ROS1: variants seen among roughly 807,000 people sequenced by gnomAD.
The protein encoded by ROS1 is ROS proto-oncogene 1, receptor tyrosine kinase, also known as proto-oncogene tyrosine-protein kinase ROS.
A neutral mutation model predicts 273.5 loss-of-function variants in ROS1; 263 were observed. The observed-to-expected ratio is 0.96, with a 90% CI of 0.87 to 1.06. The LOEUF (loss-of-function observed/expected upper bound fraction) is 1.06. Among genes scored for constraint, ROS1 ranks in the 50% least tolerant of loss-of-function variants. The probability of loss-of-function intolerance (pLI) is 0.00; values close to 1 mark genes in which losing one functional copy is unlikely to be tolerated. For missense variants in ROS1, 2,833 were observed against 2,751.1 expected (o/e 1.03, Z -0.67); for synonymous variants, 1,008 against 954.1 (o/e 1.06, Z -1.04).
Position 117,402,699 on chromosome 6 carries a change from C to T in ROS1, c.604+440G>A, listed in dbSNP as rs149962458. On this transcript the variant is annotated intron_variant, in intron 7 of 43. Transcript: ENST00000368507. Reference sequence around the variant, plus strand: ...GGTCAGGAATACAAGACCAGCCTGGCCAGCATGGTGAAACCCCATCTCCAC... The same window carrying T: ...GGTCAGGAATACAAGACCAGCCTGGTCAGCATGGTGAAACCCCATCTCCAC... Among the ~76,000 whole-genome samples the T allele has an allele frequency of 8.9e-4, 135 of 152,076 alleles. 1 individual carries two copies. The East Asian group carries it at 0.021, about 24-fold the overall frequency.
At chr6:117,314,840 T>A (rs115996116) in intron 39 of ROS1, among the ~76,000 whole-genome samples, 2,954 of 152,178 alleles carry the variant, frequency 0.019, 61 homozygotes, top group East Asian at 0.062. Context: ...AAGAGCAGGG[T>A]CCCACCTAAC....
chr6:117,422,495 C>A (rs1431521503), intron 1 of ROS1, among the ~76,000 whole-genome samples: 4 of 151,970 alleles, frequency 2.6e-5, no homozygotes, highest in African/African-American at 7.2e-5. Context: ...CAGGTTTATT[C>A]CTGTAGCAAT....
At chr6:117,323,749 C>A (rs879881088) in intron 35 of ROS1, among the ~76,000 whole-genome samples, 42 of 152,058 alleles carry the variant, frequency 2.8e-4, no homozygotes, top group Non-Finnish European at 4.7e-4. Flanking sequence ...TTTCTATCTA[C>A]CTAACCTAAT....
intron 28 of ROS1, 76 bp from the exon 29 acceptor site, chr6:117,342,620 G>C: frequency 1.0e-6 from 1 of 1,003,492 alleles, no homozygotes; most frequent in Non-Finnish European, 1.4e-6. Context: ...TTTAATCAAA[G>C]AGAGAACAAA....
At chr6:117,291,746 A>T (rs2128524123) in intron 43 of ROS1, among the ~76,000 whole-genome samples, 1 of 152,296 alleles carries the variant, frequency 6.6e-6, no homozygotes, top group East Asian at 1.9e-4. Flanking sequence ...AAAATTAGCT[A>T]CTATTCTAAT....
chr6:117,403,026 G>T lies in ROS1; in HGVS notation c.604+113C>A, dbSNP rs1774079774. The T allele has an allele frequency of 4.1e-6, 5 of 1,205,914 alleles. 1 individual carries two copies. The Admixed American group carries it at 8.9e-5, about 22-fold the overall frequency. 74.7% of individuals were successfully genotyped at this position (1,205,914 alleles called of 1,614,324 possible). A position where few individuals can be genotyped will look rare whatever the true frequency, so the allele number is the denominator to read the frequency against. On this transcript the variant is annotated intron_variant, in intron 7 of 43. Transcript: ENST00000368507. ...GCACATAGTTATGTACCCAGTTGTT[G>T]AATGGATCGATTAATAGGAAGGAAT... is the stretch of plus-strand genomic sequence containing the variant.
At chr6:117,383,538 T>C in intron 16 of ROS1, 30 bp from the exon 17 acceptor site, 4 of 1,513,702 alleles carry the variant, frequency 2.6e-6, no homozygotes, top group Non-Finnish European at 3.7e-6. Flanking sequence ...GGCCAGTTAA[T>C]GGCTTTCAAG....
Position 117,287,467 on chromosome 6 carries a change from A to T in ROS1, c.*1025T>A, listed in dbSNP as rs1703149936. On this transcript the variant is annotated 3_prime_UTR_variant, in exon 44 of 44. Coordinates refer to ENST00000368507, the MANE Select transcript of ROS1 (RefSeq NM_001378902.1). ...CAAATAGCAATCTTTATACTAGTTAATTTCCATAATAGCACACAAGTCAGA... is the reference window on the plus strand; with the variant it reads ...CAAATAGCAATCTTTATACTAGTTATTTTCCATAATAGCACACAAGTCAGA... Among the ~76,000 whole-genome samples the T allele has an allele frequency of 6.6e-6, 1 of 152,224 alleles. No homozygotes were observed. Among genetic ancestry groups the T allele is most frequent in the African/African-American group, 2.4e-5 (1 of 41,458 alleles).
Position 117,326,266 on chromosome 6 carries a change from C to A in ROS1, c.5497G>T (p.Gly1833Cys), listed in dbSNP as rs147253951. The A allele has an allele frequency of 6.2e-7, 1 of 1,600,288 alleles. No homozygotes were observed. Among genetic ancestry groups the A allele is most frequent in the African/African-American group, 1.3e-5 (1 of 74,106 alleles). ...TTCTCACTGATTCCACTATATTCAC[C>A]AAACCCTAGATTATTTGCAGCTACT... Reference protein sequence around the residue: ...RVVAANNLGFGEYSGISENII... With the variant: ...RVVAANNLGFCEYSGISENII... Residue 1833 changes from glycine to cysteine, a missense_variant, in exon 34 of 44, where the codon GGT (glycine) becomes TGT (cysteine). Gly to Cys is a radical substitution (Grantham distance 159). Coordinates refer to ENST00000368507, the MANE Select transcript of ROS1 (RefSeq NM_001378902.1).
intron 27 of ROS1, among the ~76,000 whole-genome samples, chr6:117,346,540 G>A (rs1305998953): frequency 6.6e-6 from 1 of 151,602 alleles, no homozygotes; most frequent in African/African-American, 2.4e-5. Flanking sequence ...ATGTGTGTGT[G>A]TCGTTCAACT....
At chr6:117,375,580 A>C (rs1781265327) in intron 18 of ROS1, among the ~76,000 whole-genome samples, 1 of 152,206 alleles carries the variant, frequency 6.6e-6, no homozygotes, top group Non-Finnish European at 1.5e-5. Flanking sequence ...CTAAAATAAA[A>C]AATTTAAAAC....
chr6:117,343,437 C>A (rs1485034294), intron 28 of ROS1, among the ~76,000 whole-genome samples: 1 of 152,080 alleles, frequency 6.6e-6, no homozygotes, highest in Non-Finnish European at 1.5e-5. Flanking sequence ...ATCACTAAGA[C>A]AACTGAAATA....
At chr6:117,423,322 G>A (rs1339162380) in intron 1 of ROS1, among the ~76,000 whole-genome samples, 6 of 152,074 alleles carry the variant, frequency 3.9e-5, no homozygotes, top group Non-Finnish European at 7.4e-5. Context: ...TTAAAAAAGG[G>A]TTTTGTTGCT....
At chr6:117,356,048 A>T (rs1258666875) in intron 26 of ROS1, among the ~76,000 whole-genome samples, 2 of 152,182 alleles carry the variant, frequency 1.3e-5, no homozygotes, top group Non-Finnish European at 2.9e-5. Flanking sequence ...TAATTAGGAG[A>T]CTTCCAAATT....
chr6:117,304,767 T>C (rs940345971), intron 42 of ROS1, among the ~76,000 whole-genome samples: 2 of 152,152 alleles, frequency 1.3e-5, no homozygotes, highest in Non-Finnish European at 2.9e-5. Flanking sequence ...CCAAATCTCA[T>C]GTAGAATTGT....
chr6:117,329,208 T>C, intron 33 of ROS1, 121 bp downstream of exon 33: 1 of 641,286 alleles, frequency 1.6e-6, no homozygotes. Context: ...TGTGAGTCCT[T>C]TAACTAAAGA....
At chr6:117,320,663 TG>T (rs1776230796) in intron 36 of ROS1, among the ~76,000 whole-genome samples, 3 of 152,306 alleles carry the variant, frequency 2.0e-5, no homozygotes, top group Admixed American at 2.0e-4. Context: ...AGATCACCTT[TG>T]TGTCTACTTC....
chr6:117,303,212 G>A (rs1774865910), intron 42 of ROS1, among the ~76,000 whole-genome samples: 1 of 152,266 alleles, frequency 6.6e-6, no homozygotes, highest in South Asian at 2.1e-4. Context: ...ATCAGGATCA[G>A]GGAGAGAGAA....
chr6:117,385,561 TTAAA>T (rs942690347), intron 16 of ROS1, 118 bp downstream of exon 16: 1 of 846,616 alleles, frequency 1.2e-6, no homozygotes, highest in Non-Finnish European at 1.8e-6. Flanking sequence ...AAGATAAACA[TTAAA>T]TAAATAATAG....
Sources: allele counts gnomAD v4.1 joint callset (sites outside exome capture counted in the v4.1 genomes callset), GRCh38; gene constraint gnomAD v4.1.1; transcripts MANE v1.5; gene names NCBI Gene and HGNC (gene_info 2026-07-23, HGNC 2026-07-21).